PEG3: variants seen among roughly 807,000 people sequenced by gnomAD.
PEG3 encodes paternally-expressed gene 3 protein.
In PEG3, 23 loss-of-function variants were observed where a neutral mutation model predicts 35.5. That is an observed-to-expected ratio of 0.65 (90% CI 0.47 to 0.92). The LOEUF is 0.92. Among genes scored for constraint, PEG3 ranks in the 40% least tolerant of loss-of-function variants. PEG3 has a pLI of 0.00. For synonymous variants in PEG3, 707 were observed against 697.0 expected (o/e 1.01, Z -0.23); for missense variants, 1,960 against 1,985.3 (o/e 0.99, Z 0.24).
intron 1 of PEG3, among the ~76,000 whole-genome samples, chr19:56,837,722 G>C (rs111855323): frequency 6.6e-6 from 1 of 152,234 alleles, no homozygotes; most frequent in Non-Finnish European, 1.5e-5. Context: ...GGCACAGAAT[G>C]AATGAACACG....
rs1163560491 is a variant in PEG3 at position 56,835,419 on chromosome 19, TCAA to T, written c.-163+596_-163+598del. 3.9e-5 allele frequency among the ~76,000 whole-genome samples: 6 copies of T among 152,104 alleles called. No individual in the cohort carries two copies. The East Asian group carries it at 1.2e-3, about 29-fold the overall frequency. On this transcript the variant is annotated intron_variant, in intron 2 of 9. Coordinates refer to ENST00000326441, the MANE Select transcript of PEG3 (RefSeq NM_006210.3). Reference sequence around the variant, plus strand: ...TTTTCAGCTCCTCTCTCTGCATCTCTCAACAACAACCCTATCCCCTCTGCTGAG... The same window carrying T: ...TTTTCAGCTCCTCTCTCTGCATCTCTCAACAACCCTATCCCCTCTGCTGAG...
chr19:56,824,315 C>G lies in PEG3; in HGVS notation c.341G>C (p.Cys114Ser). 3 of 1,614,084 alleles carry G rather than the reference C, an allele frequency of 1.9e-6. No individual in the cohort carries two copies. Among genetic ancestry groups the G allele is most frequent in the Non-Finnish European group, 2.5e-6 (3 of 1,180,030 alleles). The change falls in exon 4 of 10, where the codon TGT (cysteine) becomes TCT (serine). Residue 114 changes from cysteine to serine, a missense_variant. By Grantham distance (112) the Cys-to-Ser change is moderately radical. Transcript: ENST00000326441. ...CTCCAGCAGAGTGACGAGCTTCTCACAGTTCTCCGGCTTTTTTGCTCGCAC... is the reference window on the plus strand; with the variant it reads ...CTCCAGCAGAGTGACGAGCTTCTCAGAGTTCTCCGGCTTTTTTGCTCGCAC... ...PWVRAKKPENCEKLVTLLENY... is the reference protein window; with the variant it reads ...PWVRAKKPENSEKLVTLLENY...
chr19:56,825,377 G>A (rs28566157), intron 3 of PEG3, among the ~76,000 whole-genome samples: 3,189 of 152,280 alleles, frequency 0.021, 112 homozygotes, highest in African/African-American at 0.072. Flanking sequence ...GCTACTGCAC[G>A]TTCTTTTGCC....
intron 2 of PEG3, chr19:56,833,334 C>T (rs1189610720): frequency 7.9e-6 from 3 of 378,390 alleles, no homozygotes; most frequent in African/African-American, 2.1e-5. Context: ...AGTCAGGAAC[C>T]GAGGAGGTTA....
chr19:56,825,885 T>C (rs2060976971), intron 3 of PEG3, among the ~76,000 whole-genome samples: 1 of 152,218 alleles, frequency 6.6e-6, no homozygotes, highest in Admixed American at 6.5e-5. Flanking sequence ...ACATTATCAC[T>C]TGCAAATCAA....
chr19:56,822,593 G>A (rs2146322846), intron 6 of PEG3, 160 bp downstream of exon 6: 1 of 911,502 alleles, frequency 1.1e-6, no homozygotes, highest in East Asian at 2.7e-5. Context: ...GGTACCGAGT[G>A]GAACTTCAAA....
rs1037683610 is a variant in PEG3 at position 56,817,217 on chromosome 19, C to G, written c.1225G>C (p.Gly409Arg). The change falls in exon 10 of 10, where the codon GGC (glycine) becomes CGC (arginine). Residue 409 changes from glycine to arginine, a missense_variant. Gly to Arg is a moderately radical substitution (Grantham distance 125, BLOSUM62 -2). Transcript: ENST00000326441. ...TCAAAGGGCTTCTTCCTGGGACAGC[C>G]TTTTTGATCGTGAATCGAGCCCTTC... The part of the protein sequence containing the change: ...DGKGSIHDQK[G>R]CPRKKPFECG... 6.8e-6 allele frequency: 11 copies of G among 1,614,202 alleles called. No homozygotes were observed. The highest frequency in any genetic ancestry group is 9.3e-6 in the Non-Finnish European group (11 of 1,180,016).
Position 56,811,456 on chromosome 19 carries a change from C to A in PEG3, c.*2219G>T. The A allele has an allele frequency of 2.1e-6, 2 of 961,558 alleles. No homozygotes were observed. The highest frequency in any genetic ancestry group is 2.5e-6 in the Non-Finnish European group (2 of 808,196). 59.6% of individuals were successfully genotyped at this position (961,558 alleles called of 1,614,324 possible). A position where few individuals can be genotyped will look rare whatever the true frequency, so the allele number is the denominator to read the frequency against. On this transcript the variant is annotated 3_prime_UTR_variant, in exon 10 of 10. Transcript: ENST00000326441. The stretch of plus-strand genomic sequence containing the variant: ...ACGTTGCTACATAACTCGTGATTAT[C>A]ATTTTTAAACAGTTGCATTAAGTGT...
Position 56,812,898 on chromosome 19 carries a change from C to A in PEG3, c.*777G>T. The A allele has an allele frequency of 1.0e-6, 1 of 985,014 alleles. No homozygotes were observed. Among genetic ancestry groups the A allele is most frequent in the Non-Finnish European group, 1.2e-6 (1 of 829,824 alleles). 61.0% of individuals were successfully genotyped at this position (985,014 alleles called of 1,614,324 possible). A position where few individuals can be genotyped will look rare whatever the true frequency, so the allele number is the denominator to read the frequency against. ...TTCAACAAACATAACATGTGGCAACCAATCAATCTGGGTCACAAAAAGCCA... is the reference window on the plus strand; with the variant it reads ...TTCAACAAACATAACATGTGGCAACAAATCAATCTGGGTCACAAAAAGCCA... On this transcript the variant is annotated 3_prime_UTR_variant, in exon 10 of 10. Coordinates refer to ENST00000326441, the MANE Select transcript of PEG3 (RefSeq NM_006210.3).
At chr19:56,825,493 TA>T (rs2060931940) in intron 3 of PEG3, among the ~76,000 whole-genome samples, 1 of 152,230 alleles carries the variant, frequency 6.6e-6, no homozygotes, top group Non-Finnish European at 1.5e-5. Context: ...TCCTTCTCTT[TA>T]TTTTATTATC....
At chr19:56,825,853 A>G (rs2060972734) in intron 3 of PEG3, among the ~76,000 whole-genome samples, 1 of 152,226 alleles carries the variant, frequency 6.6e-6, no homozygotes, top group African/African-American at 2.4e-5. Flanking sequence ...AGGTGTTTCC[A>G]TTATTCAGAG....
Position 56,814,875 on chromosome 19 carries a change from C to A in PEG3, c.3567G>T (p.Gln1189His), listed in dbSNP as rs1399685506. ...CATCACACCCCTTCATGGAATACAA[C>A]TGGTCTTGTTCATGGATTCTCTGAT... ...FEHQRIHEQD[Q>H]LYSMKGCDDG... The change falls in exon 10 of 10, where the codon CAG (glutamine) becomes CAT (histidine). Residue 1189 changes from glutamine (Q) to histidine (H), a missense_variant. Physicochemically the swap from Gln to His is conservative, Grantham distance 24. Around this residue, in one of 5 missense-constraint regions of PEG3, gnomAD observed 124 missense variants for 179.6 expected, o/e 0.69. Coordinates refer to ENST00000326441, the MANE Select transcript of PEG3 (RefSeq NM_006210.3). The surrounding 1 kb of genome is among the most constrained non-coding windows in gnomAD (Gnocchi z 5.8). The A allele has an allele frequency of 1.2e-6, 2 of 1,614,176 alleles. No individual in the cohort carries two copies. Among genetic ancestry groups the A allele is most frequent in the Non-Finnish European group, 1.7e-6 (2 of 1,180,028 alleles).
chr19:56,838,441 G>A (rs1259043309), intron 1 of PEG3, among the ~76,000 whole-genome samples: 1 of 152,158 alleles, frequency 6.6e-6, no homozygotes, highest in African/African-American at 2.4e-5. Flanking sequence ...TATCAGTCCC[G>A]AGGAACGGTC....
At chr19:56,838,684 G>T (rs1189228266) in intron 1 of PEG3, among the ~76,000 whole-genome samples, 3 of 152,186 alleles carry the variant, frequency 2.0e-5, no homozygotes, top group Non-Finnish European at 4.4e-5. Flanking sequence ...CTCCGCGGCC[G>T]CTAAGGCAAA....
chr19:56,812,846 T>C lies in PEG3; in HGVS notation c.*829A>G. On this transcript the variant is annotated 3_prime_UTR_variant, in exon 10 of 10. Coordinates refer to ENST00000326441, the MANE Select transcript of PEG3 (RefSeq NM_006210.3). The stretch of plus-strand genomic sequence containing the variant: ...AAAAAAAAAAAACCCAGAACACAAA[T>C]GTGTAATATTTTTGCATGAGAACCA... The C allele has an allele frequency of 2.0e-6, 2 of 977,816 alleles. No homozygotes were observed. The highest frequency in any genetic ancestry group is 2.4e-6 in the Non-Finnish European group (2 of 827,590). The allele number at this position is 977,816 out of a possible 1,614,324, so 60.6% of individuals were successfully genotyped here. A position where few individuals can be genotyped will look rare whatever the true frequency, so the allele number is the denominator to read the frequency against.
chr19:56,839,096 G>A (rs1259186924), intron 1 of PEG3, among the ~76,000 whole-genome samples: 1 of 150,508 alleles, frequency 6.6e-6, no homozygotes, highest in Non-Finnish European at 1.5e-5. Flanking sequence ...CTAGGACAGC[G>A]CCTGCGCAGC....
In PEG3 at chr19:56,810,967, T is replaced by C; in HGVS notation, c.*2708A>G. ...AAATTAAAGTGAAAGTATTTAACCA[T>C]AATTCCACAAAGGTAATGTAACAGC... On this transcript the variant is annotated 3_prime_UTR_variant, in exon 10 of 10. Transcript: ENST00000326441. 3.1e-6 allele frequency: 3 copies of C among 972,270 alleles called. No individual in the cohort carries two copies. The South Asian group carries it at 1.4e-4, about 46-fold the overall frequency. The allele number at this position is 972,270 out of a possible 1,614,324, so 60.2% of individuals were successfully genotyped here. A position where few individuals can be genotyped will look rare whatever the true frequency, so the allele number is the denominator to read the frequency against.
chr19:56,827,903 T>C (rs189598818), intron 2 of PEG3, among the ~76,000 whole-genome samples: 16 of 152,344 alleles, frequency 1.1e-4, no homozygotes, highest in Admixed American at 9.8e-4. Context: ...AGACTATTAA[T>C]GATGACTAAT....
At chr19:56,836,449 C>A (rs1409000636) in intron 1 of PEG3, among the ~76,000 whole-genome samples, 1 of 152,156 alleles carries the variant, frequency 6.6e-6, no homozygotes, top group African/African-American at 2.4e-5. Context: ...GACCGCTATC[C>A]TATCGTTATT....
Sources: allele counts gnomAD v4.1 joint callset (sites outside exome capture counted in the v4.1 genomes callset), GRCh38; gene constraint gnomAD v4.1.1; regional missense constraint gnomAD v4.1.1; non-coding constraint Gnocchi (gnomAD v3.1); transcripts MANE v1.5; gene names NCBI Gene and HGNC (gene_info 2026-07-23, HGNC 2026-07-21).